Variants in ZFHX3 observed in about 807,000 individuals in gnomAD.
The protein encoded by ZFHX3 is zinc finger homeobox 3, also known as zinc finger homeobox protein 3.
In ZFHX3, 42 loss-of-function variants were observed where a neutral mutation model predicts 279.1. The ratio of observed to expected loss-of-function variants is 0.15; its 90% CI spans 0.12 to 0.19. The LOEUF (loss-of-function observed/expected upper bound fraction) is 0.19. Ranked by LOEUF, ZFHX3 falls within the 10% of genes least tolerant of loss-of-function variation. The pLI is 1.00. For synonymous variants in ZFHX3, 2,293 were observed against 1,957.8 expected (o/e 1.17, Z -4.52); for missense variants, 4,981 against 4,754.0 (o/e 1.05, Z -1.40).
At chr16:73,742,092 C>G (rs1397274399) in intron 1 of ZFHX3, among the ~76,000 whole-genome samples, 1 of 152,204 alleles carries the variant, frequency 6.6e-6, no homozygotes, top group Non-Finnish European at 1.5e-5. Flanking sequence ...ATAACCACCT[C>G]AAATTTCCAA....
At chr16:72,949,442 T>C (rs1342561348) in intron 3 of ZFHX3, among the ~76,000 whole-genome samples, 1 of 152,184 alleles carries the variant, frequency 6.6e-6, no homozygotes, top group African/African-American at 2.4e-5. Flanking sequence ...AAAGCCATTA[T>C]GGGATGATTA....
intron 1 of ZFHX3, among the ~76,000 whole-genome samples, chr16:73,744,316 T>C (rs2053685020): frequency 1.3e-5 from 2 of 152,236 alleles, no homozygotes; most frequent in Admixed American, 1.3e-4. Context: ...GACTTGTCAA[T>C]GACTACAGGT....
At chr16:73,669,048 T>C (rs2052874909) in intron 2 of ZFHX3, among the ~76,000 whole-genome samples, 1 of 34,788 alleles carries the variant, frequency 2.9e-5, no homozygotes, top group African/African-American at 7.1e-5. Context: ...TTTCTATTTA[T>C]TATTTTTTTT....
At chr16:73,836,158 C>G (rs1479236304) in intron 1 of ZFHX3, among the ~76,000 whole-genome samples, 1 of 152,174 alleles carries the variant, frequency 6.6e-6, no homozygotes, top group African/African-American at 2.4e-5. Flanking sequence ...AGTAGGTTGT[C>G]TTCAGTGTCC....
chr16:73,324,981 A>T (rs2015651817), intron 3 of ZFHX3, among the ~76,000 whole-genome samples: 1 of 152,234 alleles, frequency 6.6e-6, no homozygotes, highest in African/African-American at 2.4e-5. Context: ...ACAGGCATAA[A>T]ATTAAATAAT....
chr16:73,790,100 C>G (rs924279048), intron 1 of ZFHX3, among the ~76,000 whole-genome samples: 1 of 152,044 alleles, frequency 6.6e-6, no homozygotes, highest in African/African-American at 2.4e-5. Flanking sequence ...ATTGTAGGAC[C>G]AAACTTAGGG....
intron 5 of ZFHX3, among the ~76,000 whole-genome samples, chr16:73,238,666 T>A (rs1427899432): frequency 1.3e-5 from 2 of 152,152 alleles, no homozygotes; most frequent in South Asian, 2.1e-4. Context: ...CTTTGTGAGA[T>A]CCTTCTGAGG....
At chr16:73,651,832 G>A (rs1042408129) in intron 2 of ZFHX3, among the ~76,000 whole-genome samples, 3 of 146,516 alleles carry the variant, frequency 2.0e-5, no homozygotes, top group African/African-American at 7.6e-5. Flanking sequence ...TCCAGCCTGG[G>A]TGACAGAGCA....
At chr16:73,217,021 C>T (rs575058446) in intron 5 of ZFHX3, among the ~76,000 whole-genome samples, 49 of 152,170 alleles carry the variant, frequency 3.2e-4, no homozygotes, top group Non-Finnish European at 5.3e-4. Flanking sequence ...AATGTTGACC[C>T]ACTGCCATTG....
At chr16:73,523,424 C>T (rs139006034) in intron 2 of ZFHX3, among the ~76,000 whole-genome samples, 16 of 152,188 alleles carry the variant, frequency 1.1e-4, no homozygotes, top group South Asian at 6.2e-4. Context: ...ACCCTAGAGG[C>T]GGGGTTGGTG....
At chr16:72,898,071 G>A (rs763541542) in intron 3 of ZFHX3, among the ~76,000 whole-genome samples, 5 of 152,170 alleles carry the variant, frequency 3.3e-5, no homozygotes, top group Admixed American at 2.6e-4. Context: ...GTCAGATCGC[G>A]TTATAGTTCC....
intron 1 of ZFHX3, among the ~76,000 whole-genome samples, chr16:73,807,137 A>T (rs577081547): frequency 2.6e-5 from 4 of 152,194 alleles, no homozygotes; most frequent in Non-Finnish European, 5.9e-5. Context: ...ACCCGAGAAG[A>T]GGCAGCAGGG....
At chr16:73,412,277 T>C (rs2143463660) in intron 3 of ZFHX3, among the ~76,000 whole-genome samples, 1 of 139,232 alleles carries the variant, frequency 7.2e-6, no homozygotes, top group African/African-American at 2.8e-5. Flanking sequence ...CAGTGAGCCA[T>C]AATCACGCCA....
intron 3 of ZFHX3, among the ~76,000 whole-genome samples, chr16:73,450,705 G>T (rs1226821090): frequency 1.3e-5 from 2 of 152,122 alleles, no homozygotes; most frequent in Non-Finnish European, 2.9e-5. Context: ...AATCCTCAAG[G>T]TTTCCTGAAC....
In ZFHX3 at chr16:73,145,784, G is replaced by T. The variant is rs115055377; in HGVS notation, c.-1103-1953C>A. 2.0e-3 allele frequency among the ~76,000 whole-genome samples: 302 copies of T among 152,306 alleles called. 1 individual carries two copies. The highest frequency in any genetic ancestry group is 6.6e-3 in the African/African-American group (276 of 41,564). ...CCAACCTCGTATTGTCTGTTGAATG[G>T]GGCTGATTGGTTCTTGAAATGAAAC... On this transcript the variant is annotated intron_variant, in intron 5 of 17. Coordinates refer to the ZFHX3 transcript ENST00000641206.
upstream of ZFHX3, among the ~76,000 whole-genome samples, chr16:73,052,217 T>TAA (rs11375852): frequency 1.1e-4 from 16 of 149,138 alleles, no homozygotes; most frequent in East Asian, 3.9e-4. Flanking sequence ...ATTGTAGATT[T>TAA]AAAAAAAAAA....
At position 72,787,694 on chromosome 16, in the gene ZFHX3, A is replaced by AGCCGCCGCCGCCGCCGCCGCC. The variant is rs374416547; in HGVS notation, c.10561_10581dup (p.Gly3521_Gly3527dup). ...CTCTCGCACGCCAGGCAGTGGTACG[A>AGCCGCCGCCGCCGCCGCCGCC]GCCGCCGCCGCCGCCGCCGCCGCCA... is the stretch of plus-strand genomic sequence containing the variant. On this transcript the variant is annotated inframe_insertion, in exon 10 of 10. Transcript: ENST00000268489. 9 of 1,420,680 alleles carry AGCCGCCGCCGCCGCCGCCGCC rather than the reference A, an allele frequency of 6.3e-6. No homozygotes were observed. The highest frequency in any genetic ancestry group is 5.8e-5 in the East Asian group (2 of 34,440). The allele number at this position is 1,420,680 out of a possible 1,614,324, so 88.0% of individuals were successfully genotyped here.
At chr16:73,442,858 A>G (rs973613089) in intron 3 of ZFHX3, among the ~76,000 whole-genome samples, 23 of 152,308 alleles carry the variant, frequency 1.5e-4, no homozygotes, top group African/African-American at 5.5e-4. Flanking sequence ...GGCTGCAGTG[A>G]GTTCCACCTC....
In ZFHX3 at chr16:72,959,989, G is replaced by C. The variant is rs1961494276; in HGVS notation, c.157C>G (p.Leu53Val). The change falls in exon 2 of 10, where the codon CTG (leucine) becomes GTG (valine). Residue 53 changes from leucine to valine, a missense_variant. Physicochemically the swap from Leu to Val is conservative, Grantham distance 32. This residue lies in a region of ZFHX3 where 1,068 missense variants were observed against 935.2 expected (regional missense o/e 1.14). Coordinates refer to ENST00000268489, the MANE Select transcript of ZFHX3 (RefSeq NM_006885.4). ...TGESHGPLDS[L>V]RAPFNERLAE... ...AGGCGCTCATTGAAGGGGGCCCTCA[G>C]GCTGTCCAAGGGCCCGTGGCTCTCG... 1.9e-6 allele frequency: 3 copies of C among 1,613,414 alleles called. No homozygotes were observed. Among genetic ancestry groups the C allele is most frequent in the Non-Finnish European group, 2.5e-6 (3 of 1,179,574 alleles).
Sources: gnomAD v4.1 joint callset for allele counts (sites outside exome capture counted in the v4.1 genomes callset) on GRCh38, gnomAD v4.1.1 for gene constraint, gnomAD v4.1.1 regional missense constraint, MANE v1.5 for transcripts, NCBI Gene and HGNC (gene_info 2026-07-23, HGNC 2026-07-21) for gene names.